The following NPAS4 variants were observed in gnomAD, a reference collection of about 807,000 sequenced individuals.
NPAS4 encodes the protein neuronal PAS domain protein 4, also known as neuronal PAS domain-containing protein 4.
NPAS4 carries 10 observed loss-of-function variants against 64.0 expected under a neutral mutation model. The ratio of observed to expected loss-of-function variants is 0.16; its 90% CI spans 0.10 to 0.26. NPAS4 has a LOEUF of 0.26. Ranked by LOEUF, NPAS4 falls within the 10% of genes least tolerant of loss-of-function variation. NPAS4 has a pLI of 1.00. For synonymous variants in NPAS4, 441 were observed against 411.7 expected (o/e 1.07, Z -0.86); for missense variants, 886 against 992.6 (o/e 0.89, Z 1.44).
the NPAS4 span, chr11:66,409,211 C>G: frequency 1.3e-4 from 20 of 148,980 alleles, no homozygotes; most frequent in East Asian, 2.0e-4. Flanking sequence ...GCCCCCGCCC[C>G]CGAGCCGCGA....
rs756012334 is a variant in NPAS4, at chr11:66,426,034, A to C, written c.*45A>C. 1.3e-6 allele frequency: 2 copies of C among 1,514,620 alleles called. No individual in the cohort carries two copies. Among genetic ancestry groups the C allele is most frequent in the South Asian group, 2.2e-5 (2 of 88,974 alleles). 93.8% of individuals were successfully genotyped at this position (1,514,620 alleles called of 1,614,324 possible). A position where few individuals can be genotyped will look rare whatever the true frequency, so the allele number is the denominator to read the frequency against. On this transcript the variant is annotated 3_prime_UTR_variant, in exon 8 of 8. Coordinates refer to ENST00000311034, the MANE Select transcript of NPAS4 (RefSeq NM_178864.4). ...TCGTCAAGTATGGCATATTGTCATCAAGACGTGGAGCCGCTCTCCACCCCC... is the reference window on the plus strand; with the variant it reads ...TCGTCAAGTATGGCATATTGTCATCCAGACGTGGAGCCGCTCTCCACCCCC...
In NPAS4 at chr11:66,424,762, C is replaced by T. The variant is rs982566444; in HGVS notation, c.1872C>T (p.Tyr624=). 8 of 1,613,944 alleles carry T rather than the reference C, an allele frequency of 5.0e-6. No homozygotes were observed. In the African/African-American group the frequency reaches 9.3e-5, roughly 19 times the overall value. The change falls in exon 7 of 8, where the codon TAC becomes TAT. Residue 624 remains tyrosine, a synonymous_variant. Coordinates refer to ENST00000311034, the MANE Select transcript of NPAS4 (RefSeq NM_178864.4). The stretch of plus-strand genomic sequence containing the variant: ...CAGTCAAGCAGAGTTTCTTCCACTA[C>T]TCTGAAAAGGAGCAGAATGAGATAG... ...ASPVKQSFFH[Y]SEKEQNEIDR... is the part of the protein sequence containing the mutation.
the NPAS4 span, among the ~76,000 whole-genome samples, chr11:66,413,943 G>A: frequency 1.3e-5 from 2 of 152,190 alleles, no homozygotes; most frequent in Non-Finnish European, 2.9e-5. Flanking sequence ...TCACTGCAGA[G>A]GCTGGCACAA....
upstream of NPAS4, among the ~76,000 whole-genome samples, chr11:66,418,660 G>T (rs1856696255): frequency 6.6e-6 from 1 of 152,058 alleles, no homozygotes; most frequent in South Asian, 2.1e-4. Context: ...CCTGGAAAAA[G>T]CCAGGGGCTC....
upstream of NPAS4, among the ~76,000 whole-genome samples, chr11:66,419,805 A>C (rs1856711365): frequency 6.6e-6 from 1 of 152,186 alleles, no homozygotes; most frequent in African/African-American, 2.4e-5. Flanking sequence ...GAAGGTGGAG[A>C]GGCAGAGCCA....
Position 66,426,010 on chromosome 11 carries a change from C to T in NPAS4, c.*21C>T, listed in dbSNP as rs1856833768. ...TTTGAATAAGTCTGTGACTTAACGT[C>T]GTCAAGTATGGCATATTGTCATCAA... On this transcript the variant is annotated 3_prime_UTR_variant, in exon 8 of 8. Transcript: ENST00000311034. 6.3e-7 allele frequency: 1 copy of T among 1,598,166 alleles called. No homozygotes were observed. The highest frequency in any genetic ancestry group is 1.1e-5 in the South Asian group (1 of 90,742).
At position 66,424,259 on chromosome 11, in the gene NPAS4, G is replaced by A. The variant is rs1447473903; in HGVS notation, c.1369G>A (p.Glu457Lys). ...GCCCACCCCATCCAGCACTCTTCAA[G>A]AACAGCTGACTCCAAGCACTGCGAC... ...HLPTPSSTLQ[E>K]QLTPSTATFS... The change falls in exon 7 of 8, where the codon GAA becomes AAA. Residue 457 changes from glutamate to lysine, a missense_variant. Physicochemically the swap from Glu to Lys is moderately conservative, Grantham distance 56. Around this residue, in one of 3 missense-constraint regions of NPAS4, gnomAD observed 820 missense variants for 855.5 expected, o/e 0.96. Transcript: ENST00000311034. The A allele has an allele frequency of 1.9e-6, 3 of 1,614,124 alleles. No individual in the cohort carries two copies. The highest frequency in any genetic ancestry group is 3.3e-5 in the Admixed American group (2 of 60,024).
Position 66,426,028 on chromosome 11 carries a change from GTCA to G in NPAS4, c.*43_*45del. ...TTAACGTCGTCAAGTATGGCATATT[GTCA>G]TCAAGACGTGGAGCCGCTCTCCACC... On this transcript the variant is annotated 3_prime_UTR_variant, in exon 8 of 8. Coordinates refer to ENST00000311034, the MANE Select transcript of NPAS4 (RefSeq NM_178864.4). 1.3e-6 allele frequency: 2 copies of G among 1,559,182 alleles called. No homozygotes were observed. The highest frequency in any genetic ancestry group is 1.8e-6 in the Non-Finnish European group (2 of 1,132,054).
At chr11:66,425,890 AT>A in intron 7 of NPAS4, 70 bp from the exon 8 acceptor site, 1 of 1,171,800 alleles carries the variant, frequency 8.5e-7, no homozygotes, top group Non-Finnish European at 1.3e-6. Context: ...ATACCAACAC[AT>A]TCTCAGCCCC....
chr11:66,411,316 G>GGTCT, the NPAS4 span, among the ~76,000 whole-genome samples: 2 of 152,278 alleles, frequency 1.3e-5, no homozygotes, highest in Admixed American at 6.5e-5. Flanking sequence ...GAGGCTAAGG[G>GGTCT]GTCTGACCCA....
chr11:66,413,094 C>T, the NPAS4 span, among the ~76,000 whole-genome samples: 1 of 152,228 alleles, frequency 6.6e-6, no homozygotes, highest in Admixed American at 6.5e-5. Context: ...CAATAAATTC[C>T]TCACCAAAAT....
upstream of NPAS4, among the ~76,000 whole-genome samples, chr11:66,418,067 G>T (rs1400079058): frequency 1.3e-5 from 2 of 152,140 alleles, no homozygotes; most frequent in South Asian, 2.1e-4. Flanking sequence ...TTGAGCAGTA[G>T]TGCATAGCTG....
chr11:66,422,304 G>C (rs766204210), intron 2 of NPAS4, 33 bp downstream of exon 2: 1 of 1,610,372 alleles, frequency 6.2e-7, no homozygotes, highest in Non-Finnish European at 8.5e-7. Context: ...GCTGAGGCTG[G>C]GCATGGAGTG....
chr11:66,413,494 G>C, the NPAS4 span, among the ~76,000 whole-genome samples: 4 of 152,220 alleles, frequency 2.6e-5, no homozygotes, highest in Non-Finnish European at 5.9e-5. Flanking sequence ...TGGCTGCTCT[G>C]CTCAAGGCTA....
Position 66,422,491 on chromosome 11 carries a change from T to C in NPAS4, c.368T>C (p.Ile123Thr), listed in dbSNP as rs759331205. Residue 123 changes from isoleucine to threonine, a missense_variant, in exon 3 of 8, where the codon ATT (isoleucine) becomes ACT (threonine). Transcript: ENST00000311034. Reference sequence around the variant, plus strand: ...CAGGGTGACAGCATCTACGACATCATTGACCCAGCTGACCACCTCACTGTG... The same window carrying C: ...CAGGGTGACAGCATCTACGACATCACTGACCCAGCTGACCACCTCACTGTG... Reference protein sequence around the residue: ...VAQGDSIYDIIDPADHLTVRQ... With the variant: ...VAQGDSIYDITDPADHLTVRQ... 1.9e-6 allele frequency: 3 copies of C among 1,614,092 alleles called. No individual in the cohort carries two copies. Among genetic ancestry groups the C allele is most frequent in the Middle Eastern group, 1.6e-4 (1 of 6,062 alleles).
chr11:66,422,496 C>A lies in NPAS4; in HGVS notation c.373C>A (p.Pro125Thr). Reference protein sequence around the residue: ...QGDSIYDIIDPADHLTVRQQL... With the variant: ...QGDSIYDIIDTADHLTVRQQL... ...TGACAGCATCTACGACATCATTGAC[C>A]CAGCTGACCACCTCACTGTGCGCCA... The change falls in exon 3 of 8, where the codon CCA becomes ACA. Residue 125 changes from proline to threonine, a missense_variant. Physicochemically the swap from Pro to Thr is conservative, Grantham distance 38. Transcript: ENST00000311034. 1 of 1,614,030 alleles carries A rather than the reference C, an allele frequency of 6.2e-7. No individual in the cohort carries two copies. Among genetic ancestry groups the A allele is most frequent in the Non-Finnish European group, 8.5e-7 (1 of 1,179,962 alleles).
At position 66,421,335 on chromosome 11, in the gene NPAS4, G is replaced by C. The variant is rs774867937; in HGVS notation, c.156G>C (p.Lys52Asn). ...IMSLACIYTR[K>N]GVFFAGGTPL... Reference sequence around the variant, plus strand: ...GCCTCGCCTGCATCTACACTCGCAAGGGCGTCTTCTTCGCTGGTGGTGAGC... The same window carrying C: ...GCCTCGCCTGCATCTACACTCGCAACGGCGTCTTCTTCGCTGGTGGTGAGC... Residue 52 changes from lysine to asparagine, a missense_variant, in exon 1 of 8, where the codon AAG becomes AAC. Around this residue, in one of 3 missense-constraint regions of NPAS4, gnomAD observed 38 missense variants for 80.1 expected, o/e 0.47. Coordinates refer to ENST00000311034, the MANE Select transcript of NPAS4 (RefSeq NM_178864.4). 1 of 1,614,104 alleles carries C rather than the reference G, an allele frequency of 6.2e-7. No homozygotes were observed. Among genetic ancestry groups the C allele is most frequent in the Non-Finnish European group, 8.5e-7 (1 of 1,179,952 alleles).
At chr11:66,415,053 T>G in the NPAS4 span, among the ~76,000 whole-genome samples, 1 of 152,230 alleles carries the variant, frequency 6.6e-6, no homozygotes, top group South Asian at 2.1e-4. Flanking sequence ...GTAAATTTTG[T>G]CTTCCTGACA....
chr11:66,414,310 G>A, the NPAS4 span, among the ~76,000 whole-genome samples: 1 of 152,186 alleles, frequency 6.6e-6, no homozygotes, highest in Non-Finnish European at 1.5e-5. Flanking sequence ...TTTGAAAAGT[G>A]GCTTTAGTTG....
Sources: allele counts gnomAD v4.1 joint callset (sites outside exome capture counted in the v4.1 genomes callset), GRCh38; gene constraint gnomAD v4.1.1; regional missense constraint gnomAD v4.1.1; transcripts MANE v1.5; gene names NCBI Gene and HGNC (gene_info 2026-07-23, HGNC 2026-07-21).